EDIL3: variants seen among roughly 807,000 people sequenced by gnomAD.
The protein encoded by EDIL3 is EGF like and discoidin domains 3, also known as EGF-like repeat and discoidin I-like domain-containing protein 3.
In EDIL3, 37 loss-of-function variants were observed where a neutral mutation model predicts 67.4. The ratio of observed to expected loss-of-function variants is 0.55; its 90% confidence interval spans 0.42 to 0.72. The LOEUF is 0.72. EDIL3 is among the 30% of genes least tolerant of loss of function. The pLI is 0.00. For synonymous variants in EDIL3, 195 were observed against 196.3 expected, an observed-to-expected ratio of 0.99 and a Z score of 0.05; for missense variants, 527 against 586.3, an observed-to-expected ratio of 0.90 and a Z score of 1.04.
At chr5:84,362,136 G>T (rs1450700540) in intron 1 of EDIL3, among the ~76,000 whole-genome samples, 3 of 152,106 alleles carry the variant, frequency 2.0e-5, no homozygotes, top group African/African-American at 7.2e-5. Context: ...TCCTAAAGTG[G>T]TTTCCATTTT....
chr5:84,133,284 T>G (rs939954300), intron 5 of EDIL3, among the ~76,000 whole-genome samples: 1 of 151,990 alleles, frequency 6.6e-6, no homozygotes, highest in Non-Finnish European at 1.5e-5. Context: ...ATTTTCAAGC[T>G]GTTTATGGAA....
At chr5:84,057,032 C>T (rs1746460892) in intron 9 of EDIL3, among the ~76,000 whole-genome samples, 1 of 151,960 alleles carries the variant, frequency 6.6e-6, no homozygotes, top group Admixed American at 6.6e-5. Flanking sequence ...CAATTCTGGG[C>T]CTTTTTCTTG....
At chr5:84,259,778 C>T (rs1306663105) in intron 1 of EDIL3, among the ~76,000 whole-genome samples, 3 of 152,108 alleles carry the variant, frequency 2.0e-5, no homozygotes, top group Admixed American at 6.5e-5. Flanking sequence ...TACTTCATTA[C>T]CCATTTGCAA....
intron 1 of EDIL3, among the ~76,000 whole-genome samples, chr5:84,374,805 C>T (rs2112216933): frequency 6.6e-6 from 1 of 152,108 alleles, no homozygotes; most frequent in South Asian, 2.1e-4. Flanking sequence ...TTGGAAGTTC[C>T]TCCTTCCCTA....
chr5:84,122,344 AC>A (rs1747791356), intron 5 of EDIL3, among the ~76,000 whole-genome samples: 1 of 151,750 alleles, frequency 6.6e-6, no homozygotes, highest in Non-Finnish European at 1.5e-5. Flanking sequence ...CCTTAAAACA[AC>A]CCCATGGAGA....
At chr5:84,112,273 A>C (rs932988792) in intron 5 of EDIL3, among the ~76,000 whole-genome samples, 1 of 152,288 alleles carries the variant, frequency 6.6e-6, no homozygotes, top group African/African-American at 2.4e-5. Flanking sequence ...AAGCTACTAC[A>C]GTTGTCCATG....
chr5:84,249,805 T>C (rs375983094), intron 2 of EDIL3, among the ~76,000 whole-genome samples: 1 of 152,136 alleles, frequency 6.6e-6, no homozygotes, highest in East Asian at 1.9e-4. Flanking sequence ...GTATAATATA[T>C]ACTGATAGGC....
intron 5 of EDIL3, among the ~76,000 whole-genome samples, chr5:84,131,863 C>T (rs964263487): frequency 1.3e-5 from 2 of 152,048 alleles, no homozygotes; most frequent in African/African-American, 4.8e-5. Context: ...TTTATCTCTA[C>T]AATGTTTCAG....
chr5:84,221,569 A>C (rs1397582378), intron 3 of EDIL3, among the ~76,000 whole-genome samples: 3 of 152,108 alleles, frequency 2.0e-5, no homozygotes, highest in Non-Finnish European at 4.4e-5. Flanking sequence ...TTTTTAAAAA[A>C]AGGAAACGTA....
chr5:83,961,433 A>G (rs1744606044), intron 10 of EDIL3, among the ~76,000 whole-genome samples: 1 of 151,278 alleles, frequency 6.6e-6, no homozygotes, highest in Non-Finnish European at 1.5e-5. Context: ...GAAAATGTCT[A>G]GTCTATAAGA....
chr5:84,242,772 T>C (rs1744823432), intron 2 of EDIL3, among the ~76,000 whole-genome samples: 1 of 125,904 alleles, frequency 7.9e-6, no homozygotes, highest in Admixed American at 9.5e-5. Flanking sequence ...CACTCCAGCA[T>C]AGGCGACAGA....
intron 9 of EDIL3, among the ~76,000 whole-genome samples, chr5:83,969,635 A>G (rs1423382144): frequency 6.6e-6 from 1 of 151,860 alleles, no homozygotes; most frequent in African/African-American, 2.4e-5. Context: ...AGAACCTGGC[A>G]TTTGAAATGT....
intron 3 of EDIL3, among the ~76,000 whole-genome samples, chr5:84,202,627 A>G (rs141939527): frequency 1.3e-5 from 2 of 152,162 alleles, no homozygotes; most frequent in Non-Finnish European, 2.9e-5. Context: ...ATAAATTGTA[A>G]TGCCATTTAT....
At chr5:84,379,385 A>T (rs926791482) in intron 1 of EDIL3, among the ~76,000 whole-genome samples, 1 of 152,150 alleles carries the variant, frequency 6.6e-6, no homozygotes, top group African/African-American at 2.4e-5. Flanking sequence ...TGGCCACATG[A>T]CTTGTTTTAT....
intron 1 of EDIL3, among the ~76,000 whole-genome samples, chr5:84,311,536 T>A (rs1053240475): frequency 2.6e-5 from 4 of 152,006 alleles, no homozygotes; most frequent in Non-Finnish European, 4.4e-5. Flanking sequence ...TTAAACTGGT[T>A]ATGGGTAGTA....
At chr5:84,013,088 T>A (rs1745543652) in intron 9 of EDIL3, among the ~76,000 whole-genome samples, 1 of 151,938 alleles carries the variant, frequency 6.6e-6, no homozygotes, top group South Asian at 2.1e-4. Flanking sequence ...CTTTCTAAGC[T>A]TTCAAACAAG....
chr5:84,078,236 C>A (rs776369823), intron 6 of EDIL3, among the ~76,000 whole-genome samples: 3 of 152,062 alleles, frequency 2.0e-5, no homozygotes, highest in Non-Finnish European at 4.4e-5. Context: ...CAAAGGAGAG[C>A]AGCTTAGGTG....
chr5:84,058,536 G>GAGTCATTTT (rs1746488619), intron 9 of EDIL3, among the ~76,000 whole-genome samples: 1 of 152,120 alleles, frequency 6.6e-6, no homozygotes, highest in Non-Finnish European at 1.5e-5. Flanking sequence ...TCAGATATTT[G>GAGTCATTTT]AGTCATTTTT....
chr5:83,943,706 G>C, intron 10 of EDIL3, 138 bp from the exon 11 acceptor site: 1 of 916,648 alleles, frequency 1.1e-6, no homozygotes, highest in Non-Finnish European at 1.5e-6. Flanking sequence ...ATATATTGCA[G>C]CTTCTTTTTA....
Sources: allele counts gnomAD v4.1 joint callset (sites outside exome capture counted in the v4.1 genomes callset), GRCh38; gene constraint gnomAD v4.1.1; transcripts MANE v1.5; gene names NCBI Gene and HGNC (gene_info 2026-07-23, HGNC 2026-07-21).